ZNF536: variants seen among roughly 807,000 people sequenced by gnomAD.
ZNF536 encodes the protein zinc finger protein 536.
ZNF536 carries 13 observed loss-of-function variants against 84.5 expected under a neutral mutation model. The observed-to-expected ratio is 0.15, with a 90% CI of 0.10 to 0.24. The LOEUF (loss-of-function observed/expected upper bound fraction) is 0.24. ZNF536 is among the 10% of genes least tolerant of loss of function. ZNF536 has a pLI of 1.00. For synonymous variants in ZNF536, 811 were observed against 742.5 expected (o/e 1.09, Z -1.50); for missense variants, 1,536 against 1,747.5 (o/e 0.88, Z 2.16).
At chr19:30,459,873 T>C (rs1600829339) in intron 2 of ZNF536, among the ~76,000 whole-genome samples, 1 of 152,166 alleles carries the variant, frequency 6.6e-6, no homozygotes, top group East Asian at 1.9e-4. Flanking sequence ...AAATTCAAGA[T>C]GGTTTAGTTC....
At chr19:30,691,303 G>A (rs761847603) in intron 1 of ZNF536, among the ~76,000 whole-genome samples, 1 of 152,098 alleles carries the variant, frequency 6.6e-6, no homozygotes, top group Non-Finnish European at 1.5e-5. Context: ...CAGGGCGGTC[G>A]TCTCCAGAGA....
At chr19:30,686,282 T>C (rs1462739750) in intron 1 of ZNF536, among the ~76,000 whole-genome samples, 1 of 152,074 alleles carries the variant, frequency 6.6e-6, no homozygotes, top group Non-Finnish European at 1.5e-5. Flanking sequence ...ACACTTTTTT[T>C]TTTCTTTTGC....
At chr19:30,588,436 G>A (rs564001532) in intron 1 of ZNF536, among the ~76,000 whole-genome samples, 4 of 152,292 alleles carry the variant, frequency 2.6e-5, no homozygotes, top group African/African-American at 9.6e-5. Flanking sequence ...GGCAGACTAA[G>A]GCCAGCCAAT....
intron 1 of ZNF536, among the ~76,000 whole-genome samples, chr19:30,602,365 G>A (rs946510397): frequency 6.6e-6 from 1 of 152,210 alleles, no homozygotes; most frequent in African/African-American, 2.4e-5. Flanking sequence ...GGGAAAAAAG[G>A]CAGATGAAGT....
At chr19:30,584,012 C>T (rs899854889) in intron 1 of ZNF536, among the ~76,000 whole-genome samples, 2 of 152,138 alleles carry the variant, frequency 1.3e-5, no homozygotes, top group Non-Finnish European at 2.9e-5. Context: ...GGTTACCAAG[C>T]CTTTTATGCA....
At chr19:30,475,775 T>G (rs892756381) in intron 2 of ZNF536, among the ~76,000 whole-genome samples, 13 of 152,178 alleles carry the variant, frequency 8.5e-5, no homozygotes, top group Admixed American at 7.9e-4. Flanking sequence ...GGCTCTGCTG[T>G]GCTTTAGGAC....
intron 2 of ZNF536, among the ~76,000 whole-genome samples, chr19:30,507,311 A>G (rs1284346255): frequency 2.0e-5 from 3 of 152,210 alleles, no homozygotes; most frequent in African/African-American, 7.2e-5. Flanking sequence ...AGATCCCACC[A>G]CTGCACTCCA....
At chr19:30,349,973 C>T (rs931729239) in intron 2 of ZNF536, among the ~76,000 whole-genome samples, 1 of 151,526 alleles carries the variant, frequency 6.6e-6, no homozygotes, top group Non-Finnish European at 1.5e-5. Flanking sequence ...ACCTTACTTT[C>T]GATTGTGTGA....
chr19:30,414,475 CA>C (rs778904919), intron 1 of ZNF536, among the ~76,000 whole-genome samples: 13 of 151,962 alleles, frequency 8.6e-5, no homozygotes, highest in South Asian at 2.1e-4. Flanking sequence ...AATTTTGTTT[CA>C]TTTTTTTTCT....
intron 1 of ZNF536, among the ~76,000 whole-genome samples, chr19:30,667,625 C>CCTTTTTTTTTT (rs2050382260): frequency 8.1e-6 from 1 of 124,008 alleles, no homozygotes; most frequent in Non-Finnish European, 1.6e-5. Flanking sequence ...TTTTTTCTAG[C>CCTTTTTTTTTT]TTTTTTTTTT....
At chr19:30,261,292 C>T (rs1321660329) in intron 1 of ZNF536, among the ~76,000 whole-genome samples, 7 of 97,612 alleles carry the variant, frequency 7.2e-5, no homozygotes, top group Non-Finnish European at 1.3e-4. Context: ...AGCGAGACTC[C>T]GTCTCAAAAA....
intron 1 of ZNF536, among the ~76,000 whole-genome samples, chr19:30,690,738 C>T (rs889219523): frequency 2.6e-5 from 4 of 152,074 alleles, no homozygotes; most frequent in Admixed American, 1.3e-4. Context: ...TCAGTTTTCC[C>T]GTCTGTAAAA....
At chr19:30,577,398 G>A (rs1351923643) in intron 1 of ZNF536, among the ~76,000 whole-genome samples, 4 of 152,150 alleles carry the variant, frequency 2.6e-5, no homozygotes, top group Non-Finnish European at 5.9e-5. Context: ...GTGCAGAGAA[G>A]TCAGTTCATT....
Position 30,522,079 on chromosome 19 carries a change from T to G in ZNF536, c.2171-12768T>G, listed in dbSNP as rs539634295. Reference sequence around the variant, plus strand: ...CATTCGCAGGGCACCACCCAGGGCTTCTGTTGGTCTGCAGGTACCAAGACA... The same window carrying G: ...CATTCGCAGGGCACCACCCAGGGCTGCTGTTGGTCTGCAGGTACCAAGACA... On this transcript the variant is annotated intron_variant, in intron 2 of 4. Transcript: ENST00000355537. Among the ~76,000 whole-genome samples, 17 of 151,400 alleles carry G rather than the reference T, an allele frequency of 1.1e-4. No individual in the cohort carries two copies. The South Asian group carries it at 3.3e-3, about 30-fold the overall frequency.
At chr19:30,565,222 G>T (rs1469796954) in intron 1 of ZNF536, among the ~76,000 whole-genome samples, 3 of 149,258 alleles carry the variant, frequency 2.0e-5, no homozygotes, top group African/African-American at 7.4e-5. Context: ...TCTGGAGTCA[G>T]TTAGGAAGCC....
At chr19:30,308,201 G>A (rs2046397059) in intron 2 of ZNF536, among the ~76,000 whole-genome samples, 1 of 152,120 alleles carries the variant, frequency 6.6e-6, no homozygotes, top group African/African-American at 2.4e-5. Context: ...CTGTGTTTCA[G>A]GGACAGAAGT....
At position 30,449,302 on chromosome 19, in the gene ZNF536, G is replaced by A. The variant is rs578082422; in HGVS notation, c.2170+3570G>A. ...GCAGCTTATTAATTTTACTTTTATG[G>A]CATTTAGAAAGCGGGGTGGCTGTTT... is the stretch of plus-strand genomic sequence containing the variant. On this transcript the variant is annotated intron_variant, in intron 2 of 4. Transcript: ENST00000355537. Among the ~76,000 whole-genome samples the A allele has an allele frequency of 1.1e-3, 174 of 152,260 alleles. 1 individual carries two copies. The South Asian group carries it at 0.012, about 11-fold the overall frequency.
intron 2 of ZNF536, among the ~76,000 whole-genome samples, chr19:30,294,009 C>T (rs2145838056): frequency 6.6e-6 from 1 of 152,236 alleles, no homozygotes; most frequent in South Asian, 2.1e-4. Context: ...TCTCTGCCTG[C>T]CTGGTTGCCC....
intron 4 of ZNF536, chr19:30,556,916 G>A: frequency 2.2e-6 from 1 of 448,982 alleles, no homozygotes. Flanking sequence ...CAAATAAGCA[G>A]TAATTATCTC....
Sources: gnomAD v4.1 joint callset for allele counts (sites outside exome capture counted in the v4.1 genomes callset) on GRCh38, gnomAD v4.1.1 for gene constraint, MANE v1.5 for transcripts, NCBI Gene and HGNC (gene_info 2026-07-23, HGNC 2026-07-21) for gene names.